Variants in HELZ observed in about 807,000 individuals in gnomAD.
HELZ encodes the protein ATP-dependent RNA helicase with zinc finger domain.
HELZ carries 23 observed loss-of-function variants against 218.2 expected under a neutral mutation model. That is an observed-to-expected ratio of 0.11 (90% confidence interval 0.08 to 0.15). The LOEUF (loss-of-function observed/expected upper bound fraction) is 0.15, where lower values mean the gene tolerates loss of function less well. Ranked by LOEUF, HELZ falls within the 10% of genes least tolerant of loss-of-function variation. HELZ has a pLI of 1.00. For synonymous variants in HELZ, 814 were observed against 829.4 expected, an observed-to-expected ratio of 0.98 and a Z score of 0.32; for missense variants, 1,813 against 2,353.7, an observed-to-expected ratio of 0.77 and a Z score of 4.75.
At chr17:67,192,706 C>G (rs954866047) in intron 9 of HELZ, among the ~76,000 whole-genome samples, 3 of 152,112 alleles carry the variant, frequency 2.0e-5, no homozygotes, top group Non-Finnish European at 4.4e-5. Flanking sequence ...ATAATCAAAA[C>G]CATGTAGCAA....
rs1444090994 is a variant in HELZ at position 67,070,666 on chromosome 17, C to T, written c.*7586G>A. 1 of 152,082 alleles carries T rather than the reference C, an allele frequency of 6.6e-6. No homozygotes were observed. The highest frequency in any genetic ancestry group is 1.5e-5 in the Non-Finnish European group (1 of 68,000). 9.4% of individuals were successfully genotyped at this position (152,082 alleles called of 1,614,324 possible). A position where few individuals can be genotyped will look rare whatever the true frequency, so the allele number is the denominator to read the frequency against. ...AGACAAAGAAAGAAGAAAATAAAAA[C>T]CCTAGAGAGTGGCTTTGGGGTTATT... On this transcript the variant is annotated 3_prime_UTR_variant, in exon 33 of 33. Transcript: ENST00000358691.
chr17:67,200,851 C>T (rs1346384335), intron 7 of HELZ: 1 of 350,114 alleles, frequency 2.9e-6, no homozygotes, highest in Non-Finnish European at 5.2e-6. Context: ...ATCATCTTCC[C>T]ATTTGTTGTC....
chr17:67,143,755 T>C (rs1049866276), intron 21 of HELZ, among the ~76,000 whole-genome samples: 1 of 152,084 alleles, frequency 6.6e-6, no homozygotes, highest in African/African-American at 2.4e-5. Flanking sequence ...TCTTTCTCAG[T>C]CTCCTTCTAC....
intron 8 of HELZ, among the ~76,000 whole-genome samples, chr17:67,194,789 G>GAAAAGA (rs1190044236): frequency 6.6e-6 from 1 of 152,102 alleles, no homozygotes; most frequent in Non-Finnish European, 1.5e-5. Context: ...CCCAGAAAAG[G>GAAAAGA]AAAAGAAAGA....
intron 28 of HELZ, among the ~76,000 whole-genome samples, chr17:67,111,150 A>G (rs149023474): frequency 7.0e-4 from 107 of 152,332 alleles, no homozygotes; most frequent in African/African-American, 2.5e-3. Context: ...TCCCTTTTCA[A>G]TATCAGAGGA....
At chr17:67,204,356 T>G (rs1462259516) in intron 5 of HELZ, among the ~76,000 whole-genome samples, 2 of 152,210 alleles carry the variant, frequency 1.3e-5, no homozygotes, top group Non-Finnish European at 2.9e-5. Flanking sequence ...ATCTCACTAC[T>G]CAACGAAGTT....
chr17:67,233,636 G>A (rs2041097071), intron 3 of HELZ, among the ~76,000 whole-genome samples: 1 of 152,146 alleles, frequency 6.6e-6, no homozygotes, highest in Non-Finnish European at 1.5e-5. Flanking sequence ...AATCTCTGAA[G>A]TTCCTTCTAG....
In HELZ at chr17:67,178,892, T is replaced by C. The variant is rs1206691089; in HGVS notation, c.1197A>G (p.Leu399=). The C allele has an allele frequency of 5.0e-6, 8 of 1,610,106 alleles. No homozygotes were observed. In the East Asian group the frequency reaches 1.8e-4, roughly 36 times the overall value. The part of the protein sequence containing the change: ...LEYLMHAKQQ[L]VTTAKRWDSS... ...AATCCCAACGTTTAGCTGTGGTTAC[T>C]AGCTGCTGTTTTGCATGCATCAGGT... Residue 399 remains leucine, a synonymous_variant, in exon 13 of 33, where the codon CTA becomes CTG. Coordinates refer to ENST00000358691, the MANE Select transcript of HELZ (RefSeq NM_014877.4).
intron 3 of HELZ, among the ~76,000 whole-genome samples, chr17:67,220,157 T>C (rs1013314737): frequency 6.6e-6 from 1 of 152,208 alleles, no homozygotes; most frequent in Non-Finnish European, 1.5e-5. Context: ...TCGGCTTTTA[T>C]AATGACACAT....
chr17:67,218,645 G>C lies in HELZ; in HGVS notation c.160C>G (p.Arg54Gly), dbSNP rs369869467. ...FTGPCPLEIE[R>G]IKIESLLYRI... ...TAGAGAAGACTCTCGATTTTGATGC[G>C]TTCTATTTCCAATGGACAAGGCCCT... is the stretch of plus-strand genomic sequence containing the variant. Residue 54 changes from arginine to glycine, a missense_variant, in exon 4 of 33, where the codon CGC becomes GGC. Physicochemically the swap from Arg to Gly is moderately radical, Grantham distance 125. Around this residue, in one of 4 missense-constraint regions of HELZ, gnomAD observed 714 missense variants for 1,029.2 expected, o/e 0.69. Coordinates refer to ENST00000358691, the MANE Select transcript of HELZ (RefSeq NM_014877.4). 6.2e-7 allele frequency: 1 copy of C among 1,614,172 alleles called. No individual in the cohort carries two copies. The highest frequency in any genetic ancestry group is 8.5e-7 in the Non-Finnish European group (1 of 1,180,036).
In HELZ at chr17:67,109,529, T is replaced by C. The variant is rs2037214341; in HGVS notation, c.4076A>G (p.His1359Arg). ...TGGTAGCTGGGGAAGGGGATGAAAG[T>C]GGCGATTAGGGATTGCATACTGTGC... ...PHAQYAIPNR[H>R]FHPLPQLPRP... The change falls in exon 29 of 33, where the codon CAC becomes CGC. Residue 1359 changes from histidine to arginine, a missense_variant. Physicochemically the swap from His to Arg is conservative, Grantham distance 29. This residue lies in a region of HELZ where 938 missense variants were observed against 1,027.5 expected (regional missense o/e 0.91). Coordinates refer to ENST00000358691, the MANE Select transcript of HELZ (RefSeq NM_014877.4). 1.2e-6 allele frequency: 2 copies of C among 1,614,100 alleles called. No homozygotes were observed. Among genetic ancestry groups the C allele is most frequent in the Non-Finnish European group, 1.7e-6 (2 of 1,180,016 alleles).
At chr17:67,131,254 C>T (rs1261461044) in intron 23 of HELZ, among the ~76,000 whole-genome samples, 1 of 152,082 alleles carries the variant, frequency 6.6e-6, no homozygotes, top group African/African-American at 2.4e-5. Flanking sequence ...AGCCAAAATG[C>T]TAGAAGTTGC....
At chr17:67,115,781 C>T (rs1439266224) in intron 27 of HELZ, among the ~76,000 whole-genome samples, 2 of 152,038 alleles carry the variant, frequency 1.3e-5, no homozygotes, top group African/African-American at 4.8e-5. Flanking sequence ...GAACTCATCA[C>T]CAGGAGACCT....
intron 26 of HELZ, among the ~76,000 whole-genome samples, chr17:67,122,519 C>T (rs7224303): frequency 8.6e-5 from 13 of 151,382 alleles, no homozygotes; most frequent in Non-Finnish European, 1.6e-4. Context: ...GCACTCCAGC[C>T]GGGGCAACAG....
chr17:67,107,423 A>G lies in HELZ; in HGVS notation c.4987T>C (p.Ser1663Pro). The change falls in exon 31 of 33, where the codon TCG (serine) becomes CCG (proline). Residue 1663 changes from serine (S) to proline (P), a missense_variant. By Grantham distance (74) the Ser-to-Pro change is moderately conservative. Coordinates refer to ENST00000358691, the MANE Select transcript of HELZ (RefSeq NM_014877.4). ...LPPQIFNSPFSLPSEHLAPPP... is the reference protein window; with the variant it reads ...LPPQIFNSPFPLPSEHLAPPP... ...GGGGCAAGGTGTTCAGATGGCAACG[A>G]GAAAGGTGAGTTGAATATCTGGGGT... is the stretch of plus-strand genomic sequence containing the variant. 1.9e-6 allele frequency: 3 copies of G among 1,614,212 alleles called. No homozygotes were observed. Among genetic ancestry groups the G allele is most frequent in the Non-Finnish European group, 2.5e-6 (3 of 1,180,034 alleles).
At chr17:67,241,039 G>A (rs2041302174) in intron 2 of HELZ, among the ~76,000 whole-genome samples, 1 of 152,164 alleles carries the variant, frequency 6.6e-6, no homozygotes, top group African/African-American at 2.4e-5. Context: ...AAACCATCAT[G>A]TTATATGCTG....
chr17:67,190,115 T>G (rs753511743), intron 10 of HELZ, 42 bp downstream of exon 10: 1 of 1,529,150 alleles, frequency 6.5e-7, no homozygotes, highest in South Asian at 1.1e-5. Context: ...TCAAGTTCAT[T>G]GTTTAAGACA....
Position 67,149,895 on chromosome 17 carries a change from C to T in HELZ, c.2447G>A (p.Arg816Gln). ...MPLALATQNTRIVLAGDHMQL... is the reference protein window; with the variant it reads ...MPLALATQNTQIVLAGDHMQL... ...CATGTGATCACCAGCCAAGACAATC[C>T]GAGTGTTTTGAGTTGCTAATGCTAG... Residue 816 changes from arginine to glutamine, a missense_variant, in exon 19 of 33, where the codon CGG becomes CAG. Arg to Gln is a conservative substitution (Grantham distance 43, BLOSUM62 1). Around this residue, in one of 4 missense-constraint regions of HELZ, gnomAD observed 714 missense variants for 1,029.2 expected, o/e 0.69. Coordinates refer to ENST00000358691, the MANE Select transcript of HELZ (RefSeq NM_014877.4). The T allele has an allele frequency of 1.2e-6, 2 of 1,609,006 alleles. No homozygotes were observed. The highest frequency in any genetic ancestry group is 8.5e-7 in the Non-Finnish European group (1 of 1,177,154).
intron 19 of HELZ, among the ~76,000 whole-genome samples, 159 bp downstream of exon 19, chr17:67,149,708 T>A (rs1395120176): frequency 6.6e-6 from 1 of 152,236 alleles, no homozygotes. Context: ...TAATTTTTCT[T>A]CAGAAATAAC....
Sources: allele counts gnomAD v4.1 joint callset (sites outside exome capture counted in the v4.1 genomes callset), GRCh38; gene constraint gnomAD v4.1.1; regional missense constraint gnomAD v4.1.1; transcripts MANE v1.5; gene names NCBI Gene and HGNC (gene_info 2026-07-23, HGNC 2026-07-21).